ORAI3: variants seen among roughly 807,000 people sequenced by gnomAD.
ORAI3 encodes the protein protein orai-3.
Under a neutral mutation model 17.2 loss-of-function variants are expected in ORAI3, and 15 were observed. The ratio of observed to expected loss-of-function variants is 0.87; its 90% CI spans 0.58 to 1.34. ORAI3 has a LOEUF of 1.34. Ranked by LOEUF, ORAI3 falls within the 40% of genes most tolerant of loss-of-function variation. The pLI, the probability that ORAI3 is intolerant of heterozygous loss-of-function variation, is 0.00. For missense variants in ORAI3, 405 were observed against 396.7 expected (o/e 1.02, Z -0.18); for synonymous variants, 178 against 172.4 (o/e 1.03, Z -0.25).
Position 30,949,280 on chromosome 16 carries a change from C to G in ORAI3, c.-10C>G, listed in dbSNP as rs768870114. ...CCGTAGTGACCGCCTGGTGCCGCCCCCCCCCCAGGATGAAGGGCGGCGAGG... is the reference window on the plus strand; with the variant it reads ...CCGTAGTGACCGCCTGGTGCCGCCCGCCCCCCAGGATGAAGGGCGGCGAGG... On this transcript the variant is annotated 5_prime_UTR_variant, in exon 1 of 2. Coordinates refer to ENST00000318663, the MANE Select transcript of ORAI3 (RefSeq NM_152288.3). The G allele has an allele frequency of 2.2e-6, 3 of 1,394,872 alleles. No individual in the cohort carries two copies. The highest frequency in any genetic ancestry group is 1.5e-5 in the African/African-American group (1 of 65,500). The allele number at this position is 1,394,872 out of a possible 1,614,324, so 86.4% of individuals were successfully genotyped here.
rs926564153 is a variant in ORAI3 at position 30,949,275 on chromosome 16, C to T, written c.-15C>T. The T allele has an allele frequency of 5.1e-6, 7 of 1,383,444 alleles. No homozygotes were observed. The African/African-American group carries it at 1.1e-4, about 21-fold the overall frequency. The allele number at this position is 1,383,444 out of a possible 1,614,324, so 85.7% of individuals were successfully genotyped here. A position where few individuals can be genotyped will look rare whatever the true frequency, so the allele number is the denominator to read the frequency against. On this transcript the variant is annotated 5_prime_UTR_variant, in exon 1 of 2. Coordinates refer to ENST00000318663, the MANE Select transcript of ORAI3 (RefSeq NM_152288.3). ...CCGCCCCGTAGTGACCGCCTGGTGC[C>T]GCCCCCCCCCCAGGATGAAGGGCGG...
At chr16:30,949,613 G>C (rs2098963604) in intron 1 of ORAI3, 96 bp downstream of exon 1, 1 of 817,564 alleles carries the variant, frequency 1.2e-6, no homozygotes, top group African/African-American at 1.9e-5. Flanking sequence ...AGGGAGACAG[G>C]TTAAAGGGGG....
At position 30,949,107 on chromosome 16, in the gene ORAI3, G is replaced by C; in HGVS notation, c.-183G>C. Reference sequence around the variant, plus strand: ...CCTCCGCTGTCCCGCTCCGGCTCCTGGGGCTCCCCGCAGACGCTGCTTTTC... The same window carrying C: ...CCTCCGCTGTCCCGCTCCGGCTCCTCGGGCTCCCCGCAGACGCTGCTTTTC... On this transcript the variant is annotated 5_prime_UTR_variant, in exon 1 of 2. Transcript: ENST00000318663. 6 of 479,846 alleles carry C rather than the reference G, an allele frequency of 1.3e-5. No individual in the cohort carries two copies. The highest frequency in any genetic ancestry group is 2.2e-5 in the Non-Finnish European group (6 of 277,776). The allele number at this position is 479,846 out of a possible 1,614,324, so 29.7% of individuals were successfully genotyped here.
chr16:30,949,684 T>C, intron 1 of ORAI3, 167 bp downstream of exon 1: 1 of 627,798 alleles, frequency 1.6e-6, no homozygotes, highest in Non-Finnish European at 2.7e-6. Context: ...TTCTTACGGA[T>C]GTGTGTGTAC....
In ORAI3 at chr16:30,949,429, G is replaced by C. The variant is rs1219420794; in HGVS notation, c.140G>C (p.Arg47Pro). 2.5e-6 allele frequency: 4 copies of C among 1,606,294 alleles called. No individual in the cohort carries two copies. The highest frequency in any genetic ancestry group is 1.1e-5 in the South Asian group (1 of 90,130). ...DLMGASQHSL[R>P]ALSWRRLYLS... ...ATGGGGGCCAGTCAGCACTCGCTGCGGGCGCTCAGCTGGCGCCGCCTCTAC... is the reference window on the plus strand; with the variant it reads ...ATGGGGGCCAGTCAGCACTCGCTGCCGGCGCTCAGCTGGCGCCGCCTCTAC... The change falls in exon 1 of 2, where the codon CGG becomes CCG. Residue 47 changes from arginine to proline, a missense_variant. By Grantham distance (103) the Arg-to-Pro change is moderately radical (BLOSUM62 -2). Coordinates refer to ENST00000318663, the MANE Select transcript of ORAI3 (RefSeq NM_152288.3).
chr16:30,949,164 C>A lies in ORAI3; in HGVS notation c.-126C>A. 3 of 610,984 alleles carry A rather than the reference C, an allele frequency of 4.9e-6. No individual in the cohort carries two copies. The highest frequency in any genetic ancestry group is 7.7e-6 in the Non-Finnish European group (3 of 390,954). 37.8% of individuals were successfully genotyped at this position (610,984 alleles called of 1,614,324 possible). ...CACTGGGGGTGCCTCTTCCTGGGCG[C>A]CCGCCGCCTGCATCCTGCTCGTCCT... On this transcript the variant is annotated 5_prime_UTR_variant, in exon 1 of 2. Transcript: ENST00000318663.
Position 30,953,573 on chromosome 16 carries a change from C to T in ORAI3, c.617C>T (p.Pro206Leu). Residue 206 changes from proline (P) to leucine (L), a missense_variant, in exon 2 of 2, where the codon CCA (proline) becomes CTA (leucine). By Grantham distance (98) the Pro-to-Leu change is moderately conservative. Coordinates refer to ENST00000318663, the MANE Select transcript of ORAI3 (RefSeq NM_152288.3). ...GCACCAGTGGCTACCTCCCTTAGTC[C>T]AGCTTCCAATCTCCCACGGTCCTCT... Reference protein sequence around the residue: ...TLAPVATSLSPASNLPRSSAS... With the variant: ...TLAPVATSLSLASNLPRSSAS... 6.2e-7 allele frequency: 1 copy of T among 1,614,210 alleles called. No individual in the cohort carries two copies. Among genetic ancestry groups the T allele is most frequent in the Non-Finnish European group, 8.5e-7 (1 of 1,180,016 alleles).
At chr16:30,950,083 C>T (rs150821114) in intron 1 of ORAI3, among the ~76,000 whole-genome samples, 1 of 152,274 alleles carries the variant, frequency 6.6e-6, no homozygotes, top group East Asian at 1.9e-4. Context: ...AACTGATAAG[C>T]GAGTCTCAAG....
At position 30,953,199 on chromosome 16, in the gene ORAI3, G is replaced by A. The variant is rs780122606; in HGVS notation, c.243G>A (p.Glu81=). ...TGTCCCTGCAGGTGGCCATGGTGGA[G>A]GTGCAGCTGGAGAGTGACCACGAGT... ...LSGFAMVAMV[E]VQLESDHEYP... is the part of the protein sequence containing the mutation. The change falls in exon 2 of 2, where the codon GAG becomes GAA. Residue 81 remains glutamate, a synonymous_variant. Coordinates refer to ENST00000318663, the MANE Select transcript of ORAI3 (RefSeq NM_152288.3). 5.7e-6 allele frequency: 9 copies of A among 1,577,366 alleles called. No individual in the cohort carries two copies. The highest frequency in any genetic ancestry group is 7.7e-6 in the Non-Finnish European group (9 of 1,161,632).
Position 30,954,466 on chromosome 16 carries a change from C to T in ORAI3, c.*622C>T, listed in dbSNP as rs947916510. 1.3e-5 allele frequency: 3 copies of T among 229,424 alleles called. No individual in the cohort carries two copies. Among genetic ancestry groups the T allele is most frequent in the South Asian group, 7.8e-5 (1 of 12,768 alleles). The allele number at this position is 229,424 out of a possible 1,614,324, so 14.2% of individuals were successfully genotyped here. ...CTGGGCTCAAGTGAACCTCCCGCCT[C>T]GGCCTCCCAAAGTGCTGGGATTCCT... On this transcript the variant is annotated 3_prime_UTR_variant, in exon 2 of 2. Coordinates refer to ENST00000318663, the MANE Select transcript of ORAI3 (RefSeq NM_152288.3).
Position 30,954,250 on chromosome 16 carries a change from G to C in ORAI3, c.*406G>C. The C allele has an allele frequency of 1.6e-6, 1 of 632,666 alleles. No individual in the cohort carries two copies. Among genetic ancestry groups the C allele is most frequent in the Non-Finnish European group, 2.8e-6 (1 of 354,140 alleles). 39.2% of individuals were successfully genotyped at this position (632,666 alleles called of 1,614,324 possible). On this transcript the variant is annotated 3_prime_UTR_variant, in exon 2 of 2. Coordinates refer to ENST00000318663, the MANE Select transcript of ORAI3 (RefSeq NM_152288.3). ...TTAATTTTTTTTTTTTTTTGAGACAGTCTGTTTCCCAGGCTGGAGTGTAGT... is the reference window on the plus strand; with the variant it reads ...TTAATTTTTTTTTTTTTTTGAGACACTCTGTTTCCCAGGCTGGAGTGTAGT...
intron 1 of ORAI3, among the ~76,000 whole-genome samples, chr16:30,951,246 G>A (rs1490361459): frequency 2.0e-5 from 3 of 152,196 alleles, no homozygotes; most frequent in African/African-American, 7.2e-5. Context: ...GCCTAAGTTA[G>A]AATAGCATTA....
In ORAI3 at chr16:30,953,805, G is replaced by T; in HGVS notation, c.849G>T (p.Glu283Asp). Reference protein sequence around the residue: ...HKTDRYKQELEELNRLQGELQ... With the variant: ...HKTDRYKQELDELNRLQGELQ... ...CAGACCGCTACAAGCAGGAACTAGA[G>T]GAACTGAATCGCCTGCAGGGGGAGC... The change falls in exon 2 of 2, where the codon GAG becomes GAT. Residue 283 changes from glutamate (E) to aspartate (D), a missense_variant. Glu to Asp is a conservative substitution (Grantham distance 45). Transcript: ENST00000318663. 6.2e-7 allele frequency: 1 copy of T among 1,612,970 alleles called. No homozygotes were observed.
chr16:30,954,178 C>T lies in ORAI3; in HGVS notation c.*334C>T, dbSNP rs2055940139. On this transcript the variant is annotated 3_prime_UTR_variant, in exon 2 of 2. Coordinates refer to ENST00000318663, the MANE Select transcript of ORAI3 (RefSeq NM_152288.3). ...TCAGTGCTGACTTTAGCCACCATTT[C>T]CATTCCTATACAGGATGTGAAGGTC... 1 of 701,974 alleles carries T rather than the reference C, an allele frequency of 1.4e-6. No individual in the cohort carries two copies. Among genetic ancestry groups the T allele is most frequent in the South Asian group, 1.5e-5 (1 of 67,552 alleles). 43.5% of individuals were successfully genotyped at this position (701,974 alleles called of 1,614,324 possible). A position where few individuals can be genotyped will look rare whatever the true frequency, so the allele number is the denominator to read the frequency against.
At position 30,953,317 on chromosome 16, in the gene ORAI3, C is replaced by T. The variant is rs1248159464; in HGVS notation, c.361C>T (p.Pro121Ser). Reference sequence around the variant, plus strand: ...ACTCATGGTCTCCACGTGTCTGCTGCCCCACATTGAAGCTGTGAGCAACAT... The same window carrying T: ...ACTCATGGTCTCCACGTGTCTGCTGTCCCACATTGAAGCTGTGAGCAACAT... ...FALMVSTCLL[P>S]HIEAVSNIHN... The change falls in exon 2 of 2, where the codon CCC becomes TCC. Residue 121 changes from proline (P) to serine (S), a missense_variant. By Grantham distance (74) the Pro-to-Ser change is moderately conservative. Transcript: ENST00000318663. 6.2e-7 allele frequency: 1 copy of T among 1,614,028 alleles called. No homozygotes were observed. The highest frequency in any genetic ancestry group is 8.5e-7 in the Non-Finnish European group (1 of 1,180,002).
rs1312376230 is a variant in ORAI3 at position 30,954,299 on chromosome 16, C to A, written c.*455C>A. Reference sequence around the variant, plus strand: ...GTGATACAGTCACAGCTCACTGTAGCCTCGACCTTCCAGGCTCAAAAGATG... The same window carrying A: ...GTGATACAGTCACAGCTCACTGTAGACTCGACCTTCCAGGCTCAAAAGATG... On this transcript the variant is annotated 3_prime_UTR_variant, in exon 2 of 2. Coordinates refer to ENST00000318663, the MANE Select transcript of ORAI3 (RefSeq NM_152288.3). 2 of 586,792 alleles carry A rather than the reference C, an allele frequency of 3.4e-6. No homozygotes were observed. The highest frequency in any genetic ancestry group is 3.8e-5 in the African/African-American group (2 of 53,218). The allele number at this position is 586,792 out of a possible 1,614,324, so 36.3% of individuals were successfully genotyped here.
chr16:30,949,250 C>G lies in ORAI3; in HGVS notation c.-40C>G. 2.2e-6 allele frequency: 3 copies of G among 1,336,510 alleles called. No individual in the cohort carries two copies. Among genetic ancestry groups the G allele is most frequent in the Non-Finnish European group, 2.9e-6 (3 of 1,039,854 alleles). 82.8% of individuals were successfully genotyped at this position (1,336,510 alleles called of 1,614,324 possible). ...CCCGGCTGGGGCCCCCGAGGCGCTT[C>G]CGCCCCGTAGTGACCGCCTGGTGCC... is the stretch of plus-strand genomic sequence containing the variant. On this transcript the variant is annotated 5_prime_UTR_variant, in exon 1 of 2. Coordinates refer to ENST00000318663, the MANE Select transcript of ORAI3 (RefSeq NM_152288.3).
Position 30,949,486 on chromosome 16 carries a change from G to T in ORAI3, c.197G>T (p.Arg66Leu). 1 of 1,597,910 alleles carries T rather than the reference G, an allele frequency of 6.3e-7. No individual in the cohort carries two copies. Among genetic ancestry groups the T allele is most frequent in the Non-Finnish European group, 8.5e-7 (1 of 1,173,514 alleles). ...CGGGCCAAGCTCAAAGCTTCCAGCC[G>T]CACGTCTGCCTTGCTCTCGGGCTTC... The part of the protein sequence containing the change: ...LSRAKLKASS[R>L]TSALLSGFAM... Residue 66 changes from arginine to leucine, a missense_variant, in exon 1 of 2, where the codon CGC becomes CTC. Arg to Leu is a moderately radical substitution (Grantham distance 102). Transcript: ENST00000318663.
intron 1 of ORAI3, among the ~76,000 whole-genome samples, chr16:30,952,019 A>T (rs541362480): frequency 1.8e-4 from 27 of 152,242 alleles, no homozygotes; most frequent in Non-Finnish European, 2.4e-4. Context: ...CAGCAAACAC[A>T]TACCTAGTGC....
Sources: gnomAD v4.1 joint callset for allele counts (sites outside exome capture counted in the v4.1 genomes callset) on GRCh38, gnomAD v4.1.1 for gene constraint, MANE v1.5 for transcripts, NCBI Gene and HGNC (gene_info 2026-07-23, HGNC 2026-07-21) for gene names.